TTN: variants seen among roughly 807,000 people sequenced by gnomAD.
The protein encoded by TTN is connectin.
TTN carries 1,525 observed loss-of-function variants against 3,223.0 expected under a neutral mutation model. That is an observed-to-expected ratio of 0.47 (90% confidence interval 0.45 to 0.49). The LOEUF is 0.49. Ranked by LOEUF, TTN falls within the 20% of genes least tolerant of loss-of-function variation. The pLI is 0.00. For missense variants in TTN, 40,786 were observed against 43,424.0 expected, an observed-to-expected ratio of 0.94 and a Z score of 5.40; for synonymous variants, 14,094 against 15,161.0, an observed-to-expected ratio of 0.93 and a Z score of 5.17.
In TTN at chr2:178,579,969, C is replaced by A. The variant is rs727503576; in HGVS notation, c.67318G>T (p.Gly22440Cys). 3.1e-6 allele frequency: 5 copies of A among 1,613,052 alleles called. No individual in the cohort carries two copies. The South Asian group carries it at 5.5e-5, about 18-fold the overall frequency. Residue 22440 changes from glycine to cysteine, a missense_variant, in exon 318 of 363, where the codon GGT becomes TGT. Gly to Cys is a radical substitution (Grantham distance 159). Transcript: ENST00000589042. ...GCTTTGACAGCATCACGAGTTTCAC[C>A]GGGATCACCAATGCCATACTCATTT... ...AENEYGIGDP[G>C]ETRDAVKASQ...
At chr2:178,681,232 A>G in intron 137 of TTN, 61 bp from the exon 138 acceptor site, 1 of 1,488,414 alleles carries the variant, frequency 6.7e-7, no homozygotes, top group Non-Finnish European at 9.2e-7. Flanking sequence ...TATGTAATAA[A>G]TACACATAAA....
Position 178,561,817 on chromosome 2 carries a change from A to C in TTN, c.84315T>G (p.Val28105=). Residue 28105 remains valine, a synonymous_variant, in exon 326 of 363, where the codon GTT becomes GTG. Coordinates refer to ENST00000589042, the MANE Select transcript of TTN (RefSeq NM_001267550.2). Reference sequence around the variant, plus strand: ...TGGATGTTCTTGCAACTGCTTGTGAAACTATGTGCCATGTTGTAGAGGTGG... The same window carrying C: ...TGGATGTTCTTGCAACTGCTTGTGACACTATGTGCCATGTTGTAGAGGTGG... ...KETTSTTWHI[V]SQAVARTSIK... is the part of the protein sequence containing the mutation. 2 of 1,613,698 alleles carry C rather than the reference A, an allele frequency of 1.2e-6. No homozygotes were observed. Among genetic ancestry groups the C allele is most frequent in the Non-Finnish European group, 1.7e-6 (2 of 1,179,758 alleles).
chr2:178,777,488 C>T lies in TTN; in HGVS notation c.4577G>A (p.Gly1526Glu). The T allele has an allele frequency of 6.8e-6, 11 of 1,613,934 alleles. No homozygotes were observed. The highest frequency in any genetic ancestry group is 9.3e-6 in the Non-Finnish European group (11 of 1,179,946). ...IIVPATPSDS[G>E]EWTVVAQNRA... ...GTTTTGGGCAACCACAGTCCATTCCCCAGAATCACTGGGTGTGGCAGGGAC... is the reference window on the plus strand; with the variant it reads ...GTTTTGGGCAACCACAGTCCATTCCTCAGAATCACTGGGTGTGGCAGGGAC... Residue 1526 changes from glycine (G) to glutamate (E), a missense_variant, in exon 26 of 363, where the codon GGG (glycine) becomes GAG (glutamate). Transcript: ENST00000589042.
rs2077144654 is a variant in TTN, at chr2:178,714,383, T to C, written c.26391A>G (p.Ser8797=). The C allele has an allele frequency of 6.2e-7, 1 of 1,613,806 alleles. No individual in the cohort carries two copies. The highest frequency in any genetic ancestry group is 2.2e-5 in the East Asian group (1 of 44,870). The stretch of plus-strand genomic sequence containing the variant: ...TTCCAGCATTGGCTGGTTCCACTCT[T>C]GAAAACTGTAAGGTTGCAATGTTTT... ...YSENIATLQF[S]RVEPANAGKY... is the part of the protein sequence containing the mutation. The change falls in exon 91 of 363, where the codon TCA becomes TCG. Residue 8797 remains serine, a synonymous_variant. Coordinates refer to ENST00000589042, the MANE Select transcript of TTN (RefSeq NM_001267550.2).
chr2:178,692,545 C>G lies in TTN; in HGVS notation c.31630G>C (p.Val10544Leu), dbSNP rs2154280405. The change falls in exon 120 of 363, where the codon GTG becomes CTG. Residue 10544 changes from valine (V) to leucine (L), a missense_variant. By Grantham distance (32) the Val-to-Leu change is conservative (BLOSUM62 1). Coordinates refer to ENST00000589042, the MANE Select transcript of TTN (RefSeq NM_001267550.2). ...ELPEKPAPEEVAPVPIPKKVE... is the reference protein window; with the variant it reads ...ELPEKPAPEELAPVPIPKKVE... ...TTTTTAGGGATAGGAACAGGGGCCA[C>G]TTCTTCTGGAGCTGGTTTCTCAGGT... 6.3e-7 allele frequency: 1 copy of G among 1,577,670 alleles called. No homozygotes were observed. Among genetic ancestry groups the G allele is most frequent in the Non-Finnish European group, 8.6e-7 (1 of 1,163,172 alleles).
rs1332707257 is a variant in TTN, at chr2:178,560,188, T to C, written c.85944A>G (p.Pro28648=). Residue 28648 remains proline, a synonymous_variant, in exon 326 of 363, where the codon CCA becomes CCG. Transcript: ENST00000589042. ...ETSPLIRAED[P]VFLPSPPSKP... ...TGGATGGAGGAGATGGTAGGAACAC[T>C]GGATCTTCTGCCCTAATTAAGGGAG... The C allele has an allele frequency of 4.3e-6, 7 of 1,613,800 alleles. No homozygotes were observed. The South Asian group carries it at 4.4e-5, about 10-fold the overall frequency.
Position 178,621,837 on chromosome 2 carries a change from TA to T in TTN, c.45082+2del. The T allele has an allele frequency of 6.2e-7, 1 of 1,611,922 alleles. No individual in the cohort carries two copies. The highest frequency in any genetic ancestry group is 8.5e-7 in the Non-Finnish European group (1 of 1,178,902). ...ACTTCACAAAGAATGACTTTACTCT[TA>T]CCCAGAACTGTCAGCATGCCAGAAG... On this transcript the variant is annotated splice_donor_variant, in intron 244 of 362. Transcript: ENST00000589042. LOFTEE classifies it high-confidence loss of function.
chr2:178,604,574 C>T, intron 281 of TTN, 134 bp downstream of exon 281: 7 of 1,035,626 alleles, frequency 6.8e-6, no homozygotes, highest in Non-Finnish European at 9.5e-6. Flanking sequence ...GGGCTAAACA[C>T]TACAATAACA....
rs1198738101 is a variant in TTN, at chr2:178,562,978, G to C, written c.83154C>G (p.Asp27718Glu). The change falls in exon 326 of 363, where the codon GAC (aspartate) becomes GAG (glutamate). Residue 27718 changes from aspartate to glutamate, a missense_variant. Transcript: ENST00000589042. The part of the protein sequence containing the change: ...KWEKAEGILT[D>E]RAQIEVTSSF... The stretch of plus-strand genomic sequence containing the variant: ...AGCTGGTCACCTCTATCTGAGCCCT[G>C]TCAGTGAGAATGCCTTCTGCCTTTT... 3.1e-6 allele frequency: 5 copies of C among 1,613,682 alleles called. No individual in the cohort carries two copies. The South Asian group carries it at 5.5e-5, about 18-fold the overall frequency.
chr2:178,578,165 C>T lies in TTN; in HGVS notation c.68350G>A (p.Glu22784Lys), dbSNP rs1423648586. 6.2e-7 allele frequency: 1 copy of T among 1,612,328 alleles called. No homozygotes were observed. The highest frequency in any genetic ancestry group is 1.1e-5 in the South Asian group (1 of 90,974). The stretch of plus-strand genomic sequence containing the variant: ...CTCTTCCACAAAAGGCTGTTTCTTT[C>T]CTTGAACTCGAGATGATACCCTACA... ...PITGYHLEFKERNSLLWKRAN... is the reference protein window; with the variant it reads ...PITGYHLEFKKRNSLLWKRAN... The change falls in exon 322 of 363, where the codon GAA (glutamate) becomes AAA (lysine). Residue 22784 changes from glutamate (E) to lysine (K), a missense_variant. By Grantham distance (56) the Glu-to-Lys change is moderately conservative. Transcript: ENST00000589042.
rs771284532 is a variant in TTN at position 178,599,442 on chromosome 2, C to T, written c.56351G>A (p.Arg18784His). Reference sequence around the variant, plus strand: ...TATGGGTCCCACTGGAGGGCCAGGACGACCTAAAATGGTTTAAAGAAGGAA... The same window carrying T: ...TATGGGTCCCACTGGAGGGCCAGGATGACCTAAAATGGTTTAAAGAAGGAA... The part of the protein sequence containing the change: ...SKEMRLNVLG[R>H]PGPPVGPIKF... Residue 18784 changes from arginine to histidine, a missense_variant, in exon 290 of 363, where the codon CGT becomes CAT. Coordinates refer to ENST00000589042, the MANE Select transcript of TTN (RefSeq NM_001267550.2). 5.0e-5 allele frequency: 76 copies of T among 1,528,552 alleles called. 1 individual carries two copies. Among genetic ancestry groups the T allele is most frequent in the Middle Eastern group, 1.8e-4 (1 of 5,704 alleles). The allele number at this position is 1,528,552 out of a possible 1,614,324, so 94.7% of individuals were successfully genotyped here. A position where few individuals can be genotyped will look rare whatever the true frequency, so the allele number is the denominator to read the frequency against.
At chr2:178,631,477 G>A (rs559580342) in intron 236 of TTN, among the ~76,000 whole-genome samples, 177 bp from the exon 237 acceptor site, 1 of 152,210 alleles carries the variant, frequency 6.6e-6, no homozygotes, top group South Asian at 2.1e-4. Context: ...AAGGGAATCA[G>A]TGTGTGGGAT....
intron 304 of TTN, 99 bp from the exon 305 acceptor site, chr2:178,588,318 A>G (rs2049481642): frequency 1.6e-6 from 2 of 1,216,398 alleles, no homozygotes; most frequent in East Asian, 2.6e-5. Flanking sequence ...AGGTCATCCA[A>G]TTTTTCAATT....
rs1296040087 is a variant in TTN at position 178,712,392 on chromosome 2, T to C, written c.27530A>G (p.Glu9177Gly). 1 of 1,613,746 alleles carries C rather than the reference T, an allele frequency of 6.2e-7. No individual in the cohort carries two copies. The highest frequency in any genetic ancestry group is 8.5e-7 in the Non-Finnish European group (1 of 1,179,826). ...AILEIPSSTV[E>G]DAGQYNCYIE... ...GTAGCAGTTGTATTGTCCTGCATCCTCTACTGTGCTACTTGGAATTTCCAG... is the reference window on the plus strand; with the variant it reads ...GTAGCAGTTGTATTGTCCTGCATCCCCTACTGTGCTACTTGGAATTTCCAG... Residue 9177 changes from glutamate to glycine, a missense_variant, in exon 95 of 363, where the codon GAG becomes GGG. Transcript: ENST00000589042.
rs1060503937 is a variant in TTN, at chr2:178,535,479, C to T, written c.101136G>A (p.Glu33712=). Residue 33712 remains glutamate, a synonymous_variant, in exon 358 of 363, where the codon GAG becomes GAA. Transcript: ENST00000589042. The part of the protein sequence containing the change: ...SRDSVNLTWT[E]PASDGGSKIT... ...TTTTGCTGCCACCATCAGAGGCTGG[C>T]TCAGTCCATGTTAAGTTGACAGAAT... 2.5e-6 allele frequency: 4 copies of T among 1,613,724 alleles called. No individual in the cohort carries two copies. In the Admixed American group the frequency reaches 5.0e-5, roughly 20 times the overall value.
Position 178,608,357 on chromosome 2 carries a change from C to T in TTN, c.52526G>A (p.Arg17509His), listed in dbSNP as rs886055267. The T allele has an allele frequency of 3.2e-5, 51 of 1,611,942 alleles. No individual in the cohort carries two copies. Among genetic ancestry groups the T allele is most frequent in the Non-Finnish European group, 3.9e-5 (46 of 1,179,084 alleles). The change falls in exon 275 of 363, where the codon CGT becomes CAT. Residue 17509 changes from arginine (R) to histidine (H), a missense_variant. By Grantham distance (29) the Arg-to-His change is conservative (BLOSUM62 0). Coordinates refer to ENST00000589042, the MANE Select transcript of TTN (RefSeq NM_001267550.2). The stretch of plus-strand genomic sequence containing the variant: ...AGACCAATGTGTACTGTTAACTTCA[C>T]GTTTTTCAAGCCAGTAACCCAAAAT... ...SPILGYWLEK[R>H]EVNSTHWSRV... is the part of the protein sequence containing the mutation.
chr2:178,602,593 A>G lies in TTN; in HGVS notation c.54812-3T>C. ...GCAAGAAGGTGGCCCCGGTGGAACT[A>G]ATAACAAAAGAAAAAAAAAAGCTTC... On this transcript the variant is annotated splice_polypyrimidine_tract_variant and splice_region_variant and intron_variant, in intron 282 of 362. Coordinates refer to ENST00000589042, the MANE Select transcript of TTN (RefSeq NM_001267550.2). 2.2e-5 allele frequency: 32 copies of G among 1,482,996 alleles called. No individual in the cohort carries two copies. Among genetic ancestry groups the G allele is most frequent in the Non-Finnish European group, 2.9e-5 (32 of 1,119,326 alleles). 91.9% of individuals were successfully genotyped at this position (1,482,996 alleles called of 1,614,324 possible).
At chr2:178,728,037 A>C (rs1247488220) in intron 67 of TTN, 73 bp downstream of exon 67, 1 of 1,460,900 alleles carries the variant, frequency 6.8e-7, no homozygotes, top group East Asian at 2.4e-5. Context: ...GCTCTAAAGG[A>C]TACAAAGGCA....
Position 178,618,428 on chromosome 2 carries a change from G to A in TTN, c.47030C>T (p.Ala15677Val). ...TETFDGEVSLAWEEPLTDGGS... is the reference protein window; with the variant it reads ...TETFDGEVSLVWEEPLTDGGS... ...ACCATCAGTTAAAGGTTCTTCCCAA[G>A]CAAGGCTCACTTCACCATCAAATGT... The change falls in exon 252 of 363, where the codon GCT becomes GTT. Residue 15677 changes from alanine to valine, a missense_variant. Coordinates refer to ENST00000589042, the MANE Select transcript of TTN (RefSeq NM_001267550.2). 1 of 1,612,464 alleles carries A rather than the reference G, an allele frequency of 6.2e-7. No individual in the cohort carries two copies. Among genetic ancestry groups the A allele is most frequent in the South Asian group, 1.1e-5 (1 of 91,048 alleles).
Sources: gnomAD v4.1 joint callset for allele counts (sites outside exome capture counted in the v4.1 genomes callset) on GRCh38, gnomAD v4.1.1 for gene constraint, MANE v1.5 for transcripts, NCBI Gene and HGNC (gene_info 2026-07-23, HGNC 2026-07-21) for gene names.